TIAM1: variants seen among roughly 807,000 people sequenced by gnomAD.
TIAM1 encodes TIAM Rac1 associated GEF 1.
TIAM1 carries 65 observed loss-of-function variants against 163.5 expected under a neutral mutation model. That is an observed-to-expected ratio of 0.40 (90% CI 0.33 to 0.49). The LOEUF (loss-of-function observed/expected upper bound fraction) is 0.49. Ranked by LOEUF, TIAM1 falls within the 20% of genes least tolerant of loss-of-function variation. The probability of loss-of-function intolerance (pLI) is 0.77; values close to 1 mark genes in which losing one functional copy is unlikely to be tolerated. For missense variants in TIAM1, 1,789 were observed against 2,044.7 expected (o/e 0.87, Z 2.41); for synonymous variants, 833 against 810.1 (o/e 1.03, Z -0.48).
At chr21:31,124,495 T>C (rs765797409) in intron 27 of TIAM1, 27 bp downstream of exon 27, 7 of 1,610,656 alleles carry the variant, frequency 4.3e-6, no homozygotes, top group Non-Finnish European at 8.5e-7. Flanking sequence ...GTGACGGGAA[T>C]CTTGAACGTC....
chr21:31,325,564 A>C (rs1291149609), intron 2 of TIAM1, among the ~76,000 whole-genome samples: 2 of 151,840 alleles, frequency 1.3e-5, no homozygotes, highest in African/African-American at 2.4e-5. Flanking sequence ...GCTACTCGGG[A>C]AGCTGAGGCA....
At chr21:31,505,596 A>G (rs2046996217) in intron 1 of TIAM1, among the ~76,000 whole-genome samples, 1 of 151,438 alleles carries the variant, frequency 6.6e-6, no homozygotes, top group Non-Finnish European at 1.5e-5. Flanking sequence ...CATTGCAGAG[A>G]ATTGTGGGGG....
intron 1 of TIAM1, among the ~76,000 whole-genome samples, chr21:31,539,830 T>C (rs2048263281): frequency 6.6e-6 from 1 of 152,110 alleles, no homozygotes; most frequent in South Asian, 2.1e-4. Flanking sequence ...GCTTCTCCAA[T>C]TTTTCATCTG....
intron 19 of TIAM1, among the ~76,000 whole-genome samples, chr21:31,149,596 G>A (rs1333218779): frequency 6.6e-6 from 1 of 152,090 alleles, no homozygotes; most frequent in Admixed American, 6.6e-5. Context: ...CAAACTCAAA[G>A]AACCAGCCCC....
chr21:31,354,245 C>T (rs1441682854), intron 2 of TIAM1, among the ~76,000 whole-genome samples: 1 of 152,124 alleles, frequency 6.6e-6, no homozygotes, highest in Non-Finnish European at 1.5e-5. Flanking sequence ...TGGAGAACCT[C>T]ATGCCCTCTT....
intron 2 of TIAM1, among the ~76,000 whole-genome samples, chr21:31,458,693 A>G (rs2045206895): frequency 1.4e-5 from 2 of 147,270 alleles, no homozygotes; most frequent in Admixed American, 1.3e-4. Context: ...GAATACGTCC[A>G]TGAGAAAGAG....
intron 2 of TIAM1, among the ~76,000 whole-genome samples, chr21:31,426,658 C>T (rs1030398019): frequency 3.3e-5 from 5 of 152,126 alleles, no homozygotes; most frequent in Non-Finnish European, 7.4e-5. Flanking sequence ...AAAGAGAGCC[C>T]AAACATTCCA....
intron 2 of TIAM1, among the ~76,000 whole-genome samples, chr21:31,359,467 CAAAG>C (rs1435831580): frequency 4.6e-5 from 7 of 151,912 alleles, no homozygotes; most frequent in East Asian, 1.9e-4. Flanking sequence ...AAAAATAAAA[CAAAG>C]AAAGAAAGAG....
chr21:31,513,596 C>T (rs1427271732), intron 1 of TIAM1, among the ~76,000 whole-genome samples: 1 of 152,186 alleles, frequency 6.6e-6, no homozygotes, highest in Non-Finnish European at 1.5e-5. Context: ...TCCTTAGAAA[C>T]CAGAATATAC....
chr21:31,559,047 G>GGCGCTGCTCTGCCGGCC (rs2048997466), upstream of TIAM1: 2 of 151,844 alleles, frequency 1.3e-5, no homozygotes, highest in South Asian at 4.1e-4. Flanking sequence ...CGACGGCGGC[G>GGCGCTGCTCTGCCGGCC]GCGCTGCTCT....
chr21:31,557,741 C>A (rs949644155), intron 1 of TIAM1, among the ~76,000 whole-genome samples: 1 of 152,156 alleles, frequency 6.6e-6, no homozygotes, highest in Admixed American at 6.5e-5. Flanking sequence ...CCCAAGGGCT[C>A]GCGCACGTCC....
intron 2 of TIAM1, among the ~76,000 whole-genome samples, chr21:31,460,913 T>G (rs2045301698): frequency 6.6e-6 from 1 of 152,260 alleles, no homozygotes; most frequent in South Asian, 2.1e-4. Context: ...CTATTTCATT[T>G]TTTTTACATA....
chr21:31,132,485 C>T (rs2082450086), intron 23 of TIAM1, among the ~76,000 whole-genome samples: 1 of 152,136 alleles, frequency 6.6e-6, no homozygotes, highest in Non-Finnish European at 1.5e-5. Context: ...GCCTTTTATT[C>T]CCACTATGAA....
chr21:31,301,577 C>A (rs151312699), intron 2 of TIAM1, among the ~76,000 whole-genome samples: 2 of 152,144 alleles, frequency 1.3e-5, no homozygotes, highest in African/African-American at 2.4e-5. Context: ...CAGTGGCTCA[C>A]GCCTGTAATC....
At position 31,300,993 on chromosome 21, in the gene TIAM1, T is replaced by C. The variant is rs78376188; in HGVS notation, c.-188-24085A>G. 1.2e-3 allele frequency among the ~76,000 whole-genome samples: 181 copies of C among 152,340 alleles called. 3 individuals are homozygous for C. In the East Asian group the frequency reaches 0.031, roughly 26 times the overall value. On this transcript the variant is annotated intron_variant, in intron 2 of 27. Coordinates refer to ENST00000541036, the MANE Select transcript of TIAM1 (RefSeq NM_001353694.2). Reference sequence around the variant, plus strand: ...CTCAAGAAAGGCAGCACCAAAAACATGGCTTATAGTAGACAACCCCCAGTT... The same window carrying C: ...CTCAAGAAAGGCAGCACCAAAAACACGGCTTATAGTAGACAACCCCCAGTT...
At chr21:31,188,923 A>G (rs1257260103) in intron 13 of TIAM1, among the ~76,000 whole-genome samples, 12 of 151,796 alleles carry the variant, frequency 7.9e-5, no homozygotes, top group Admixed American at 7.9e-4. Flanking sequence ...GTACCAGGAA[A>G]CACCTTTGCT....
intron 3 of TIAM1, among the ~76,000 whole-genome samples, chr21:31,268,094 A>C (rs1260643467): frequency 6.6e-6 from 1 of 152,214 alleles, no homozygotes; most frequent in Non-Finnish European, 1.5e-5. Flanking sequence ...ACGCACATGA[A>C]AATAGCTGGA....
chr21:31,451,498 T>G (rs1305782264), intron 2 of TIAM1, among the ~76,000 whole-genome samples: 1 of 152,054 alleles, frequency 6.6e-6, no homozygotes, highest in Non-Finnish European at 1.5e-5. Context: ...ATAAAGAAAG[T>G]CACTGGGCCT....
At chr21:31,240,835 A>G (rs2071131381) in intron 6 of TIAM1, among the ~76,000 whole-genome samples, 1 of 152,072 alleles carries the variant, frequency 6.6e-6, no homozygotes, top group Non-Finnish European at 1.5e-5. Flanking sequence ...AAGCTATGAC[A>G]CAGTCCTTGG....
Sources: gnomAD v4.1 joint callset for allele counts (sites outside exome capture counted in the v4.1 genomes callset) on GRCh38, gnomAD v4.1.1 for gene constraint, MANE v1.5 for transcripts, NCBI Gene and HGNC (gene_info 2026-07-23, HGNC 2026-07-21) for gene names.